The following PIK3C3 variants were observed in gnomAD, a reference collection of about 807,000 sequenced individuals.
The protein encoded by PIK3C3 is phosphatidylinositol 3-kinase catalytic subunit type 3.
A neutral mutation model predicts 126.1 loss-of-function variants in PIK3C3; 95 were observed. That is an observed-to-expected ratio of 0.75 (90% confidence interval 0.64 to 0.89). The LOEUF is 0.89. Among genes scored for constraint, PIK3C3 ranks in the 40% least tolerant of loss-of-function variants. The pLI, the probability that PIK3C3 is intolerant of heterozygous loss-of-function variation, is 0.00. For missense variants in PIK3C3, 829 were observed against 1,063.2 expected (o/e 0.78, Z 3.06); for synonymous variants, 374 against 360.0 (o/e 1.04, Z -0.44).
chr18:42,067,382 T>A lies in PIK3C3; in HGVS notation c.2524-6T>A, dbSNP rs745604578. ...CGTTGTAAAGACTAAGAGTGTTATC[T>A]TATAGGTTCAGGATAAATTCCGCTT... is the stretch of plus-strand genomic sequence containing the variant. On this transcript the variant is annotated splice_region_variant and splice_polypyrimidine_tract_variant and intron_variant, in intron 23 of 24. Transcript: ENST00000262039. 2 of 1,613,776 alleles carry A rather than the reference T, an allele frequency of 1.2e-6. No individual in the cohort carries two copies. Among genetic ancestry groups the A allele is most frequent in the East Asian group, 4.5e-5 (2 of 44,884 alleles).
At chr18:42,052,395 A>AT (rs1232558671) in intron 21 of PIK3C3, among the ~76,000 whole-genome samples, 3 of 152,118 alleles carry the variant, frequency 2.0e-5, no homozygotes, top group Admixed American at 1.3e-4. Context: ...TAAGATGCAC[A>AT]TTTTTTTCCT....
At chr18:41,964,340 A>G (rs190293318) in intron 3 of PIK3C3, among the ~76,000 whole-genome samples, 208 of 152,270 alleles carry the variant, frequency 1.4e-3, no homozygotes, top group African/African-American at 4.4e-3. Context: ...AGCAAGTTGT[A>G]GATTATCTGG....
rs138333201 is a variant in PIK3C3 at position 42,067,553 on chromosome 18, C to T, written c.2649+40C>T. On this transcript the variant is annotated intron_variant, in intron 24 of 24. Coordinates refer to ENST00000262039, the MANE Select transcript of PIK3C3 (RefSeq NM_002647.4). ...TGCAGTGCATTTTTCTCACCTTCTC[C>T]GTGTACTGCCCCAGAGTCCTTGGAG... 10,067 of 1,609,526 alleles carry T rather than the reference C, an allele frequency of 6.3e-3. 41 individuals carry two copies. The highest frequency in any genetic ancestry group is 7.4e-3 in the Non-Finnish European group (8,760 of 1,176,784).
At position 42,004,358 on chromosome 18, in the gene PIK3C3, C is replaced by T. The variant is rs765131183; in HGVS notation, c.987C>T (p.Ala329=). The part of the protein sequence containing the change: ...FRYYLTNQEK[A]LTKFLKCVNW... ...TTTTAAATATTTTCTGATTTTAGGCCTTGACAAAATTCTTGAAATGTGTTA... is the reference window on the plus strand; with the variant it reads ...TTTTAAATATTTTCTGATTTTAGGCTTTGACAAAATTCTTGAAATGTGTTA... Residue 329 remains alanine (A), a splice_region_variant and synonymous_variant, in exon 10 of 25, where the codon GCC becomes GCT. Transcript: ENST00000262039. 4 of 1,607,724 alleles carry T rather than the reference C, an allele frequency of 2.5e-6. No homozygotes were observed. Among genetic ancestry groups the T allele is most frequent in the Admixed American group, 3.4e-5 (2 of 58,612 alleles).
chr18:42,063,394 A>G (rs772620663), intron 22 of PIK3C3, among the ~76,000 whole-genome samples: 1 of 152,352 alleles, frequency 6.6e-6, no homozygotes, highest in African/African-American at 2.4e-5. Flanking sequence ...AATGAATAAA[A>G]TGATTACATG....
intron 3 of PIK3C3, among the ~76,000 whole-genome samples, chr18:41,968,495 CA>C (rs1265576229): frequency 1.3e-5 from 2 of 152,230 alleles, no homozygotes; most frequent in African/African-American, 4.8e-5. Context: ...CACAGCTAGT[CA>C]ATGCATTTTG....
intron 24 of PIK3C3, among the ~76,000 whole-genome samples, chr18:42,068,067 C>G (rs909014704): frequency 6.6e-6 from 1 of 152,120 alleles, no homozygotes; most frequent in Non-Finnish European, 1.5e-5. Context: ...CTGCTTTTTT[C>G]TTCTATGCCC....
chr18:41,989,310 G>A (rs1981655755), intron 5 of PIK3C3, among the ~76,000 whole-genome samples: 1 of 151,994 alleles, frequency 6.6e-6, no homozygotes, highest in South Asian at 2.1e-4. Flanking sequence ...GCTTCAAGCA[G>A]TCCTCCCACC....
At chr18:42,001,488 C>T (rs1053222945) in intron 9 of PIK3C3, among the ~76,000 whole-genome samples, 3 of 152,292 alleles carry the variant, frequency 2.0e-5, no homozygotes, top group Admixed American at 1.3e-4. Context: ...ATCAGTAAAG[C>T]ATCTTTAAAA....
chr18:42,064,834 A>G lies in PIK3C3; in HGVS notation c.2523+4A>G, dbSNP rs955749788. ...ACCAGATAAAACTGTGAAAAAGGTA[A>G]TTTTTAAGTAACATAAATGAAGAGC... On this transcript the variant is annotated splice_donor_region_variant and intron_variant, in intron 23 of 24. Coordinates refer to ENST00000262039, the MANE Select transcript of PIK3C3 (RefSeq NM_002647.4). 6.9e-7 allele frequency: 1 copy of G among 1,459,498 alleles called. No individual in the cohort carries two copies. The highest frequency in any genetic ancestry group is 9.6e-7 in the Non-Finnish European group (1 of 1,039,886). The allele number at this position is 1,459,498 out of a possible 1,614,324, so 90.4% of individuals were successfully genotyped here.
chr18:42,080,240 C>A (rs972000564), intron 24 of PIK3C3, among the ~76,000 whole-genome samples: 6 of 152,082 alleles, frequency 3.9e-5, no homozygotes, highest in African/African-American at 1.2e-4. Flanking sequence ...TTCTAAATTA[C>A]ATTATTTTTA....
intron 13 of PIK3C3, among the ~76,000 whole-genome samples, chr18:42,022,605 A>AT (rs1983378147): frequency 1.3e-5 from 2 of 151,706 alleles, no homozygotes; most frequent in Admixed American, 6.6e-5. Flanking sequence ...TAAATCAGTG[A>AT]TTTTCCCCCC....
chr18:41,976,491 C>G (rs1441878871), intron 4 of PIK3C3, among the ~76,000 whole-genome samples: 1 of 152,152 alleles, frequency 6.6e-6, no homozygotes, highest in South Asian at 2.1e-4. Context: ...AACAAAACCT[C>G]TTAGCATAGA....
At chr18:41,963,364 C>G (rs1049079451) in intron 3 of PIK3C3, among the ~76,000 whole-genome samples, 2 of 152,110 alleles carry the variant, frequency 1.3e-5, no homozygotes, top group African/African-American at 4.8e-5. Flanking sequence ...TGATCGATGG[C>G]TTTTGTGCAT....
chr18:42,015,418 C>T (rs3764459), intron 11 of PIK3C3, 58 bp from the exon 12 acceptor site: 82,701 of 1,302,460 alleles, frequency 0.063, 2,895 homozygotes, highest in Middle Eastern at 0.11. Flanking sequence ...AAAAATTGTG[C>T]GTTCTCTTAT....
Position 41,962,533 on chromosome 18 carries a change from C to G in PIK3C3, c.302C>G (p.Pro101Arg), listed in dbSNP as rs1240283643. ...LKLPVKYPDL[P>R]RNAQVALTIW... is the part of the protein sequence containing the mutation. The stretch of plus-strand genomic sequence containing the variant: ...CTACCAGTAAAATACCCTGACCTGC[C>G]CAGGAATGCCCAAGTGGCCCTCACC... Residue 101 changes from proline (P) to arginine (R), a missense_variant, in exon 3 of 25, where the codon CCC (proline) becomes CGC (arginine). Around this residue, in one of 4 missense-constraint regions of PIK3C3, gnomAD observed 313 missense variants for 340.7 expected, o/e 0.92. Transcript: ENST00000262039. 1 of 1,613,388 alleles carries G rather than the reference C, an allele frequency of 6.2e-7. No homozygotes were observed.
chr18:41,988,770 T>C (rs896618085), intron 5 of PIK3C3, among the ~76,000 whole-genome samples: 1 of 152,160 alleles, frequency 6.6e-6, no homozygotes, highest in Non-Finnish European at 1.5e-5. Flanking sequence ...TTGGTACCTT[T>C]TCTAAATTTA....
At position 42,029,344 on chromosome 18, in the gene PIK3C3, T is replaced by A; in HGVS notation, c.1610T>A (p.Val537Asp). Residue 537 changes from valine (V) to aspartate (D), a missense_variant, in exon 15 of 25, where the codon GTT becomes GAT. Val to Asp is a radical substitution (Grantham distance 152). Around this residue, in one of 4 missense-constraint regions of PIK3C3, gnomAD observed 256 missense variants for 291.0 expected, o/e 0.88. Transcript: ENST00000262039. ...ALLKGDKSVRVMRSLLAAQQT... is the reference protein window; with the variant it reads ...ALLKGDKSVRDMRSLLAAQQT... ...CTTCAGGGTGATAAGTCTGTCAGAG[T>A]TATGCGTTCTTTGCTGGCTGCACAA... 1 of 1,613,360 alleles carries A rather than the reference T, an allele frequency of 6.2e-7. No homozygotes were observed. The highest frequency in any genetic ancestry group is 1.3e-5 in the African/African-American group (1 of 75,008).
At chr18:42,054,158 A>ATC (rs1568002756) in intron 21 of PIK3C3, among the ~76,000 whole-genome samples, 1 of 41,164 alleles carries the variant, frequency 2.4e-5, no homozygotes, top group African/African-American at 1.3e-4. Flanking sequence ...ATATATATAT[A>ATC]TATATATATA....
Sources: allele counts gnomAD v4.1 joint callset (sites outside exome capture counted in the v4.1 genomes callset), GRCh38; gene constraint gnomAD v4.1.1; regional missense constraint gnomAD v4.1.1; transcripts MANE v1.5; gene names NCBI Gene and HGNC (gene_info 2026-07-23, HGNC 2026-07-21).